The following PRRC1 variants were observed in gnomAD, a reference collection of about 807,000 sequenced individuals.
PRRC1 encodes the protein protein PRRC1.
Under a neutral mutation model 40.7 loss-of-function variants are expected in PRRC1, and 39 were observed. The ratio of observed to expected loss-of-function variants is 0.96; its 90% CI spans 0.74 to 1.25. PRRC1 has a LOEUF of 1.25. Among genes scored for constraint, PRRC1 ranks in the 50% most tolerant of loss-of-function variants. The probability of loss-of-function intolerance (pLI) is 0.00; values close to 1 mark genes in which losing one functional copy is unlikely to be tolerated. For missense variants in PRRC1, 573 were observed against 548.3 expected (o/e 1.05, Z -0.45); for synonymous variants, 175 against 193.3 (o/e 0.91, Z 0.79).
chr5:127,535,367 C>T (rs1237522030), intron 6 of PRRC1, among the ~76,000 whole-genome samples: 1 of 152,100 alleles, frequency 6.6e-6, no homozygotes, highest in Non-Finnish European at 1.5e-5. Flanking sequence ...TTGAAAACAG[C>T]AGTTAACATC....
Position 127,524,197 on chromosome 5 carries a change from A to G in PRRC1, c.104-334A>G, listed in dbSNP as rs190471245. On this transcript the variant is annotated intron_variant, in intron 2 of 8. Transcript: ENST00000296666. Reference sequence around the variant, plus strand: ...CCTACTGCTCTATGACTTTGTGGTGATTAACCTTTCTGAGCCTTCAGGGCA... The same window carrying G: ...CCTACTGCTCTATGACTTTGTGGTGGTTAACCTTTCTGAGCCTTCAGGGCA... 2,076 of 207,730 alleles carry G rather than the reference A, an allele frequency of 1.0e-2. 51 individuals carry two copies. The highest frequency in any genetic ancestry group is 0.044 in the African/African-American group (1,874 of 42,972). 12.9% of individuals were successfully genotyped at this position (207,730 alleles called of 1,614,324 possible). A position where few individuals can be genotyped will look rare whatever the true frequency, so the allele number is the denominator to read the frequency against.
At chr5:127,518,206 G>C (rs1174916343) in intron 1 of PRRC1, among the ~76,000 whole-genome samples, 1 of 152,206 alleles carries the variant, frequency 6.6e-6, no homozygotes, top group African/African-American at 2.4e-5. Flanking sequence ...AGGGGAAGCC[G>C]CTGTCTCCTG....
intron 5 of PRRC1, among the ~76,000 whole-genome samples, chr5:127,532,250 A>T (rs2127099793): frequency 6.6e-6 from 1 of 152,096 alleles, no homozygotes; most frequent in South Asian, 2.1e-4. Flanking sequence ...CTGGACCTAC[A>T]GGTGCACGCC....
intron 8 of PRRC1, chr5:127,548,714 G>C (rs549136775): frequency 6.6e-6 from 1 of 152,002 alleles, no homozygotes; most frequent in Non-Finnish European, 1.5e-5. Flanking sequence ...AGAAAAATGC[G>C]TGTATGTGTA....
intron 7 of PRRC1, among the ~76,000 whole-genome samples, chr5:127,541,793 C>T (rs1768054236): frequency 6.6e-6 from 1 of 151,890 alleles, no homozygotes; most frequent in African/African-American, 2.4e-5. Context: ...TGCTAGCGGT[C>T]TATCAATTTT....
chr5:127,541,006 G>A (rs1768028887), intron 7 of PRRC1, among the ~76,000 whole-genome samples: 1 of 151,978 alleles, frequency 6.6e-6, no homozygotes, highest in South Asian at 2.1e-4. Context: ...ATTGGCTGTG[G>A]GTTTGTCATA....
At position 127,548,216 on chromosome 5, in the gene PRRC1, T is replaced by C. The variant is rs578211288; in HGVS notation, c.1128+295T>C. ...TGAGTTCTGGAAAAGATTTACCTTT[T>C]CTAGTTGTTTTATGTCCGCCTTTCG... is the stretch of plus-strand genomic sequence containing the variant. On this transcript the variant is annotated intron_variant, in intron 8 of 8. Coordinates refer to ENST00000296666, the MANE Select transcript of PRRC1 (RefSeq NM_130809.5). 9.5e-6 allele frequency: 5 copies of C among 525,382 alleles called. No homozygotes were observed. The South Asian group carries it at 1.5e-4, about 15-fold the overall frequency. 32.5% of individuals were successfully genotyped at this position (525,382 alleles called of 1,614,324 possible).
intron 7 of PRRC1, among the ~76,000 whole-genome samples, chr5:127,542,741 A>G (rs1385693619): frequency 4.0e-5 from 6 of 149,400 alleles, no homozygotes; most frequent in South Asian, 4.4e-4. Context: ...ATCTTCCTCC[A>G]TCCTTTTATT....
rs771662878 is a variant in PRRC1 at position 127,553,989 on chromosome 5, C to T, written c.*2073C>T. 8.8e-5 allele frequency: 121 copies of T among 1,370,020 alleles called. No individual in the cohort carries two copies. The highest frequency in any genetic ancestry group is 1.1e-4 in the Non-Finnish European group (118 of 1,030,334). 84.9% of individuals were successfully genotyped at this position (1,370,020 alleles called of 1,614,324 possible). ...CTGGCCTCTCTGGTTCTGTTCTTGG[C>T]CCAGAGTTTTTGAAAAGCAGCGGAG... is the stretch of plus-strand genomic sequence containing the variant. On this transcript the variant is annotated 3_prime_UTR_variant, in exon 9 of 9. Transcript: ENST00000296666.
At chr5:127,551,533 T>C (rs1438907733) in intron 8 of PRRC1, 174 bp from the exon 9 acceptor site, 5 of 644,094 alleles carry the variant, frequency 7.8e-6, no homozygotes, top group Non-Finnish European at 1.1e-5. Flanking sequence ...TAATGTTACA[T>C]TGATTGTGTT....
intron 3 of PRRC1, among the ~76,000 whole-genome samples, chr5:127,525,242 CA>C (rs1767589350): frequency 6.6e-6 from 1 of 152,200 alleles, no homozygotes; most frequent in Non-Finnish European, 1.5e-5. Flanking sequence ...TAGATGGAAT[CA>C]TATAATACGT....
At chr5:127,542,689 A>G (rs543881299) in intron 7 of PRRC1, among the ~76,000 whole-genome samples, 362 of 151,174 alleles carry the variant, frequency 2.4e-3, no homozygotes, top group African/African-American at 8.4e-3. Context: ...AGAGACTAGG[A>G]TTGCAACCCC....
chr5:127,547,892 A>C lies in PRRC1; in HGVS notation c.1099A>C (p.Thr367Pro). The change falls in exon 8 of 9, where the codon ACA becomes CCA. Residue 367 changes from threonine (T) to proline (P), a missense_variant. Transcript: ENST00000296666. The part of the protein sequence containing the change: ...GIHLETFTQA[T>P]PVPLEFVQQA... Reference sequence around the variant, plus strand: ...TCATCTAGAAACATTTACACAAGCCACACCAGTGCCTTTGGAATTTGTACA... The same window carrying C: ...TCATCTAGAAACATTTACACAAGCCCCACCAGTGCCTTTGGAATTTGTACA... 1 of 1,613,734 alleles carries C rather than the reference A, an allele frequency of 6.2e-7. No individual in the cohort carries two copies. Among genetic ancestry groups the C allele is most frequent in the Non-Finnish European group, 8.5e-7 (1 of 1,179,672 alleles).
intron 7 of PRRC1, among the ~76,000 whole-genome samples, chr5:127,545,988 C>G (rs1281392403): frequency 2.6e-5 from 4 of 151,886 alleles, no homozygotes; most frequent in African/African-American, 9.7e-5. Flanking sequence ...GGATTAATAT[C>G]TTCAGTTTTG....
chr5:127,518,611 CTGTT>C (rs1192545420), intron 1 of PRRC1, among the ~76,000 whole-genome samples: 3 of 151,412 alleles, frequency 2.0e-5, no homozygotes, highest in Non-Finnish European at 4.4e-5. Context: ...CTAGCGCTCA[CTGTT>C]TGGTAGTAGA....
rs1768476468 is a variant in PRRC1, at chr5:127,554,482, CAAAG to C, written c.*2569_*2572del. ...AATATTTAATTAGTGTGAAAGGAAA[CAAAG>C]AATGCAGGAAAAATAATTTAATATC... is the stretch of plus-strand genomic sequence containing the variant. On this transcript the variant is annotated 3_prime_UTR_variant, in exon 9 of 9. Transcript: ENST00000296666. 1 of 147,520 alleles carries C rather than the reference CAAAG, an allele frequency of 6.8e-6. No individual in the cohort carries two copies. Among genetic ancestry groups the C allele is most frequent in the African/African-American group, 2.5e-5 (1 of 39,984 alleles). The allele number at this position is 147,520 out of a possible 1,614,324, so 9.1% of individuals were successfully genotyped here.
chr5:127,532,343 T>G (rs233037), intron 5 of PRRC1, among the ~76,000 whole-genome samples: 67,170 of 152,012 alleles, frequency 0.44, 16,152 homozygotes, highest in African/African-American at 0.62. Flanking sequence ...TCTTGACTTT[T>G]TGATCCTCCC....
At chr5:127,524,229 T>C (rs945437853) in intron 2 of PRRC1, 2 of 251,924 alleles carry the variant, frequency 7.9e-6, no homozygotes, top group Non-Finnish European at 1.5e-5. Flanking sequence ...GGCATAGGTT[T>C]TTATGCTCAA....
At chr5:127,518,153 C>T (rs1767365053) in intron 1 of PRRC1, among the ~76,000 whole-genome samples, 1 of 152,196 alleles carries the variant, frequency 6.6e-6, no homozygotes, top group Admixed American at 6.5e-5. Context: ...CGCCGGCGGA[C>T]CTTAGCCCGG....
Sources: allele counts gnomAD v4.1 joint callset (sites outside exome capture counted in the v4.1 genomes callset), GRCh38; gene constraint gnomAD v4.1.1; transcripts MANE v1.5; gene names NCBI Gene and HGNC (gene_info 2026-07-23, HGNC 2026-07-21).